The following DAB2IP variants were observed in gnomAD, a reference collection of about 807,000 sequenced individuals.
The protein encoded by DAB2IP is DAB2 interacting protein.
DAB2IP carries 28 observed loss-of-function variants against 107.2 expected under a neutral mutation model. The ratio of observed to expected loss-of-function variants is 0.26; its 90% CI spans 0.19 to 0.36. The LOEUF is 0.36. DAB2IP is among the 10% of genes least tolerant of loss of function. The pLI, the probability that DAB2IP is intolerant of heterozygous loss-of-function variation, is 1.00. For synonymous variants in DAB2IP, 755 were observed against 706.4 expected, an observed-to-expected ratio of 1.07 and a Z score of -1.09; for missense variants, 1,400 against 1,644.7, an observed-to-expected ratio of 0.85 and a Z score of 2.57.
chr9:121,734,246 G>A (rs923522555), intron 3 of DAB2IP, among the ~76,000 whole-genome samples: 4 of 149,260 alleles, frequency 2.7e-5, no homozygotes, highest in Non-Finnish European at 5.9e-5. Context: ...GCGCGGTGGC[G>A]GGCGCCTGTA....
At chr9:121,767,251 TCA>T (rs1468563605) in intron 9 of DAB2IP, among the ~76,000 whole-genome samples, 1 of 152,222 alleles carries the variant, frequency 6.6e-6, no homozygotes, top group Non-Finnish European at 1.5e-5. Context: ...CTGGGTCGTC[TCA>T]CTGTTGTTCA....
chr9:121,776,166 TGCTGTGCCCGTGGAC>T lies in DAB2IP; in HGVS notation c.3121-27_3121-13del, dbSNP rs749226108. On this transcript the variant is annotated splice_polypyrimidine_tract_variant and intron_variant, in intron 13 of 15. Coordinates refer to ENST00000408936, the Ensembl canonical transcript of DAB2IP. The surrounding 1 kb of genome is among the most constrained non-coding windows in gnomAD (Gnocchi z 5.4). ...GAAGCTGTGCTCTCTGTGTCCTGGG[TGCTGTGCCCGTGGAC>T]GCTGCCCTCCTGGTAGGACCTGGCG... 1.3e-6 allele frequency: 2 copies of T among 1,554,984 alleles called. No homozygotes were observed. Among genetic ancestry groups the T allele is most frequent in the Non-Finnish European group, 1.7e-6 (2 of 1,149,062 alleles).
At chr9:121,733,372 C>T (rs1424297862) in intron 3 of DAB2IP, among the ~76,000 whole-genome samples, 1 of 152,196 alleles carries the variant, frequency 6.6e-6, no homozygotes, top group Admixed American at 6.5e-5. Flanking sequence ...CCTTGACAGT[C>T]GTGGCCCAGA....
At position 121,635,934 on chromosome 9, in the gene DAB2IP, GCT is replaced by G. The variant is rs1832072641; in HGVS notation, c.41-42741_41-42740del. On this transcript the variant is annotated intron_variant, in intron 1 of 16. Coordinates refer to the DAB2IP transcript ENST00000259371. The surrounding 1 kb of genome is among the most constrained non-coding windows in gnomAD (Gnocchi z 4.3). ...GGGGGGGTCTGGGGGATGGAGTCTT[GCT>G]CTGTCTCCCCAGGCTGGAGTGCAGT... is the stretch of plus-strand genomic sequence containing the variant. Among the ~76,000 whole-genome samples the G allele has an allele frequency of 2.6e-5, 4 of 152,092 alleles. No homozygotes were observed. Among genetic ancestry groups the G allele is most frequent in the African/African-American group, 9.7e-5 (4 of 41,396 alleles).
chr9:121,766,759 G>A (rs998620804), intron 9 of DAB2IP, 29 bp downstream of exon 9: 25 of 1,610,514 alleles, frequency 1.6e-5, no homozygotes, highest in Non-Finnish European at 2.0e-5. Context: ...ACCAGGCAGA[G>A]TTGGGCAGGG....
chr9:121,601,856 C>T (rs1431833268), intron 1 of DAB2IP, among the ~76,000 whole-genome samples: 2 of 151,428 alleles, frequency 1.3e-5, no homozygotes, highest in South Asian at 4.2e-4. Flanking sequence ...GCACATGCTT[C>T]GCTTTTGATC....
Position 121,759,007 on chromosome 9 carries a change from G to A in DAB2IP, c.615+11G>A, listed in dbSNP as rs377190430. The A allele has an allele frequency of 5.5e-5, 89 of 1,606,198 alleles. No individual in the cohort carries two copies. Among genetic ancestry groups the A allele is most frequent in the Non-Finnish European group, 6.9e-5 (81 of 1,176,736 alleles). ...GTGCATCCCAACAAGGTAAGCCTGC[G>A]CCCCTCTCACCAAAGCATGGGGGAT... On this transcript the variant is annotated intron_variant, in intron 5 of 15. Transcript: ENST00000408936.
At chr9:121,573,366 C>T (rs531716081) in intron 1 of DAB2IP, among the ~76,000 whole-genome samples, 5 of 151,398 alleles carry the variant, frequency 3.3e-5, no homozygotes, top group East Asian at 3.9e-4. Flanking sequence ...CGTGAGCCAC[C>T]GTGCCCAGCA....
At chr9:121,717,099 C>T (rs1471848943) in intron 3 of DAB2IP, among the ~76,000 whole-genome samples, 3 of 152,216 alleles carry the variant, frequency 2.0e-5, no homozygotes, top group Non-Finnish European at 4.4e-5. Context: ...CCGGGGGAAT[C>T]TTGCCCTCAG....
At chr9:121,678,149 C>T (rs1187036839) in intron 1 of DAB2IP, among the ~76,000 whole-genome samples, 1 of 152,208 alleles carries the variant, frequency 6.6e-6, no homozygotes, top group African/African-American at 2.4e-5. Context: ...AGCAATAACT[C>T]CTTGTTCCCC....
chr9:121,697,546 G>T (rs145770294), intron 2 of DAB2IP, among the ~76,000 whole-genome samples: 2 of 152,198 alleles, frequency 1.3e-5, no homozygotes, highest in Non-Finnish European at 2.9e-5. Context: ...ACCTGCCACC[G>T]TTTGGGGTCC....
intron 1 of DAB2IP, among the ~76,000 whole-genome samples, chr9:121,606,540 G>A (rs181714357): frequency 6.6e-6 from 1 of 152,286 alleles, no homozygotes; most frequent in East Asian, 1.9e-4. Flanking sequence ...ATGCAGCTCA[G>A]GACTTCCCTG....
chr9:121,612,072 G>A (rs575496436), intron 1 of DAB2IP, among the ~76,000 whole-genome samples: 3 of 152,064 alleles, frequency 2.0e-5, no homozygotes, highest in African/African-American at 7.2e-5. Flanking sequence ...ACTGCCTTTG[G>A]TGAAGGTAGT....
chr9:121,648,423 C>G (rs1832616421), upstream of DAB2IP, among the ~76,000 whole-genome samples: 1 of 151,070 alleles, frequency 6.6e-6, no homozygotes, highest in Non-Finnish European at 1.5e-5. Context: ...TGGAGGATGA[C>G]CAAGGGGGCT....
At chr9:121,729,100 AT>A (rs914291859) in intron 3 of DAB2IP, among the ~76,000 whole-genome samples, 2 of 152,178 alleles carry the variant, frequency 1.3e-5, no homozygotes, top group African/African-American at 4.8e-5. Context: ...CTTGACAGTC[AT>A]CAGCTCATTT....
Position 121,684,964 on chromosome 9 carries a change from T to C in DAB2IP, c.228+6183T>C, listed in dbSNP as rs966498525. Among the ~76,000 whole-genome samples the C allele has an allele frequency of 3.3e-5, 5 of 152,200 alleles. No homozygotes were observed. The highest frequency in any genetic ancestry group is 1.2e-4 in the African/African-American group (5 of 41,448). On this transcript the variant is annotated intron_variant, in intron 2 of 15. Coordinates refer to ENST00000408936, the Ensembl canonical transcript of DAB2IP. The surrounding 1 kb of genome is among the most constrained non-coding windows in gnomAD (Gnocchi z 4.0). ...GATGTCAGCCACGTGGTCCTGGCTG[T>C]AACAGGGCGGTAGTGCTGGACCCCT... is the stretch of plus-strand genomic sequence containing the variant.
intron 1 of DAB2IP, among the ~76,000 whole-genome samples, chr9:121,641,901 CTTTCTTTCTTTCTTTCTT>C (rs1167982506): frequency 4.8e-5 from 4 of 82,612 alleles, no homozygotes; most frequent in Non-Finnish European, 7.7e-5. Context: ...CCCTTTCTTT[CTTTCTTTCTTTCTTTCTT>C]TCTTTCTTTC....
At position 121,711,863 on chromosome 9, in the gene DAB2IP, C is replaced by T. The variant is rs562395320; in HGVS notation, c.362+12405C>T. Among the ~76,000 whole-genome samples, 5 of 152,196 alleles carry T rather than the reference C, an allele frequency of 3.3e-5. No homozygotes were observed. The South Asian group carries it at 6.2e-4, about 19-fold the overall frequency. ...GCCTAGGGTGTAGGGGTTTATTCCC[C>T]TTTTTGCAGGCTGGGTGGCGTCCAT... On this transcript the variant is annotated intron_variant, in intron 3 of 15. Coordinates refer to ENST00000408936, the Ensembl canonical transcript of DAB2IP.
rs556270747 is a variant in DAB2IP at position 121,782,273 on chromosome 9, A to AT, written c.3403-57dup. Reference sequence around the variant, plus strand: ...CCCTTCCCCGATGCTTGTCGTAGGTATACACAGCCCTAAGGAGCCTGTCCC... The same window carrying AT: ...CCCTTCCCCGATGCTTGTCGTAGGTATTACACAGCCCTAAGGAGCCTGTCCC... On this transcript the variant is annotated intron_variant, in intron 15 of 15. Transcript: ENST00000408936. The surrounding 1 kb of genome is among the most constrained non-coding windows in gnomAD (Gnocchi z 6.1). 164 of 1,574,010 alleles carry AT rather than the reference A, an allele frequency of 1.0e-4. No homozygotes were observed. The African/African-American group carries it at 1.9e-3, about 19-fold the overall frequency.
Sources: gnomAD v4.1 joint callset for allele counts (sites outside exome capture counted in the v4.1 genomes callset) on GRCh38, gnomAD v4.1.1 for gene constraint, Gnocchi (gnomAD v3.1) non-coding constraint, MANE v1.5 for transcripts, NCBI Gene and HGNC (gene_info 2026-07-23, HGNC 2026-07-21) for gene names.